CLMN: variants seen among roughly 807,000 people sequenced by gnomAD.
The protein encoded by CLMN is calmin.
In CLMN, 57 loss-of-function variants were observed where a neutral mutation model predicts 92.7. The ratio of observed to expected loss-of-function variants is 0.61; its 90% CI spans 0.50 to 0.77. The LOEUF is 0.77. Among genes scored for constraint, CLMN ranks in the 30% least tolerant of loss-of-function variants. The probability of loss-of-function intolerance (pLI) is 0.00; values close to 1 mark genes in which losing one functional copy is unlikely to be tolerated. For missense variants in CLMN, 1,158 were observed against 1,237.5 expected (o/e 0.94, Z 0.96); for synonymous variants, 466 against 470.6 (o/e 0.99, Z 0.13).
intron 1 of CLMN, among the ~76,000 whole-genome samples, chr14:95,301,143 C>T (rs1040670101): frequency 6.6e-6 from 1 of 152,222 alleles, no homozygotes; most frequent in Non-Finnish European, 1.5e-5. Context: ...ATTCACAGAA[C>T]AGCTATTACA....
intron 1 of CLMN, among the ~76,000 whole-genome samples, chr14:95,274,277 T>C (rs981849790): frequency 1.3e-5 from 2 of 151,980 alleles, no homozygotes; most frequent in African/African-American, 2.4e-5. Context: ...TGCTTGGAAA[T>C]GCCTGTCTTT....
chr14:95,226,603 A>G (rs553960265), intron 2 of CLMN, among the ~76,000 whole-genome samples: 2 of 151,676 alleles, frequency 1.3e-5, no homozygotes, highest in South Asian at 2.1e-4. Context: ...TTGAGATGAG[A>G]TCTTGCTCTG....
At chr14:95,238,206 G>C (rs924569909) in intron 1 of CLMN, among the ~76,000 whole-genome samples, 1 of 152,250 alleles carries the variant, frequency 6.6e-6, no homozygotes, top group East Asian at 1.9e-4. Context: ...TGGTGGTTTC[G>C]CTCCTTTCCC....
rs369758817 is a variant in CLMN at position 95,186,021 on chromosome 14, G to A, written c.*5543C>T. ...CTCCATGGTGTTCTGAGTCCCTAGC[G>A]ATGGTGGGTAGGGAGGTTAGCTTCA... On this transcript the variant is annotated 3_prime_UTR_variant, in exon 13 of 13. Coordinates refer to ENST00000298912, the MANE Select transcript of CLMN (RefSeq NM_024734.4). The A allele has an allele frequency of 1.3e-5, 2 of 152,328 alleles. No individual in the cohort carries two copies. Among genetic ancestry groups the A allele is most frequent in the South Asian group, 4.2e-4 (2 of 4,814 alleles). 9.4% of individuals were successfully genotyped at this position (152,328 alleles called of 1,614,324 possible).
chr14:95,230,680 G>T (rs966267707), intron 1 of CLMN, among the ~76,000 whole-genome samples: 5 of 152,184 alleles, frequency 3.3e-5, no homozygotes, highest in Non-Finnish European at 5.9e-5. Context: ...ACCCCCACCC[G>T]CATGTCTGAT....
Position 95,183,948 on chromosome 14 carries a change from C to G in CLMN, c.*7616G>C, listed in dbSNP as rs1896382554. ...AAACAATGGCTTAAACTTCCTCTTG[C>G]AAAAAGGCCTGAGTTAGATTTGAGA... On this transcript the variant is annotated 3_prime_UTR_variant, in exon 13 of 13. Coordinates refer to ENST00000298912, the MANE Select transcript of CLMN (RefSeq NM_024734.4). 1 of 152,002 alleles carries G rather than the reference C, an allele frequency of 6.6e-6. No homozygotes were observed. The highest frequency in any genetic ancestry group is 1.5e-5 in the Non-Finnish European group (1 of 67,990). 9.4% of individuals were successfully genotyped at this position (152,002 alleles called of 1,614,324 possible).
chr14:95,211,525 T>C (rs1165903170), intron 6 of CLMN, among the ~76,000 whole-genome samples: 7 of 152,108 alleles, frequency 4.6e-5, no homozygotes, highest in African/African-American at 1.7e-4. Flanking sequence ...GAATGGAGGC[T>C]ACCTCAACTT....
intron 1 of CLMN, among the ~76,000 whole-genome samples, chr14:95,305,202 C>G (rs1901225822): frequency 6.6e-6 from 1 of 152,240 alleles, no homozygotes; most frequent in Non-Finnish European, 1.5e-5. Flanking sequence ...CAGTATTATT[C>G]TTCCCATTGT....
chr14:95,257,538 C>T (rs535697599), intron 1 of CLMN, among the ~76,000 whole-genome samples: 25 of 152,334 alleles, frequency 1.6e-4, no homozygotes, highest in African/African-American at 5.1e-4. Flanking sequence ...CTGGGTGGGA[C>T]GGCACGCAAG....
At chr14:95,212,890 A>G (rs959987857) in intron 6 of CLMN, among the ~76,000 whole-genome samples, 1 of 148,950 alleles carries the variant, frequency 6.7e-6, no homozygotes, top group African/African-American at 2.5e-5. Flanking sequence ...GGTTCACGCC[A>G]TTCTCCTGCC....
intron 1 of CLMN, among the ~76,000 whole-genome samples, chr14:95,275,140 G>A (rs117222404): frequency 0.016 from 2,510 of 152,216 alleles, 28 homozygotes; most frequent in Non-Finnish European, 0.024. Context: ...TTGCGGTCTC[G>A]TATGAAGACA....
In CLMN at chr14:95,268,792, CTCTTTTTTTT is replaced by C. The variant is rs1271322975; in HGVS notation, c.83-38669_83-38660del. 4.1e-3 allele frequency among the ~76,000 whole-genome samples: 430 copies of C among 103,740 alleles called. 1 individual carries two copies. Among genetic ancestry groups the C allele is most frequent in the African/African-American group, 0.016 (409 of 26,076 alleles). The allele number at this position is 103,740 out of a possible 152,430, so 68.1% of individuals were successfully genotyped here. On this transcript the variant is annotated intron_variant, in intron 1 of 12. Coordinates refer to ENST00000298912, the MANE Select transcript of CLMN (RefSeq NM_024734.4). The stretch of plus-strand genomic sequence containing the variant: ...TATACTGGGACCTCTCTCTCTCTCT[CTCTTTTTTTT>C]TTTTTTTTTTTTTTTTTTTTAGACA...
chr14:95,274,567 G>A (rs1188857310), intron 1 of CLMN, among the ~76,000 whole-genome samples: 8 of 152,266 alleles, frequency 5.3e-5, no homozygotes, highest in Admixed American at 2.6e-4. Context: ...GAAGGGAAGC[G>A]TCCCCAAAGC....
intron 4 of CLMN, among the ~76,000 whole-genome samples, chr14:95,220,169 CTT>C (rs767326601): frequency 2.8e-4 from 20 of 71,802 alleles, no homozygotes; most frequent in African/African-American, 8.9e-4. Context: ...GGATAGGTCC[CTT>C]TTTTTTTTTT....
At chr14:95,245,238 T>TTATATATATATATATAA (rs1898479033) in intron 1 of CLMN, among the ~76,000 whole-genome samples, 1 of 28,192 alleles carries the variant, frequency 3.5e-5, no homozygotes, top group Non-Finnish European at 5.3e-5. Context: ...TATATATATA[T>TTATATATATATATATAA]TATATATATA....
At position 95,280,389 on chromosome 14, in the gene CLMN, T is replaced by C. The variant is rs561377854; in HGVS notation, c.82+39322A>G. On this transcript the variant is annotated intron_variant, in intron 1 of 12. Coordinates refer to ENST00000298912, the MANE Select transcript of CLMN (RefSeq NM_024734.4). ...AAGATTTTCATGTAACATTAAAAGA[T>C]AATAAAAGATTTTTATTTGCCTTTT... 2.0e-5 allele frequency among the ~76,000 whole-genome samples: 3 copies of C among 152,320 alleles called. No individual in the cohort carries two copies. In the South Asian group the frequency reaches 6.2e-4, roughly 32 times the overall value.
At chr14:95,246,609 G>C (rs1489328255) in intron 1 of CLMN, among the ~76,000 whole-genome samples, 6 of 152,112 alleles carry the variant, frequency 3.9e-5, no homozygotes, top group Admixed American at 6.5e-5. Context: ...GCTGGGAGTA[G>C]AGGCGCCCAC....
chr14:95,271,390 C>T (rs1899704131), intron 1 of CLMN, among the ~76,000 whole-genome samples: 1 of 152,188 alleles, frequency 6.6e-6, no homozygotes, highest in Admixed American at 6.5e-5. Flanking sequence ...GTTCTCCCGA[C>T]CTGTCTAGAG....
intron 8 of CLMN, among the ~76,000 whole-genome samples, chr14:95,206,547 G>A (rs988596685): frequency 6.6e-6 from 1 of 152,208 alleles, no homozygotes; most frequent in Admixed American, 6.5e-5. Flanking sequence ...TACATGGTCA[G>A]GGCCCAACAA....
Sources: allele counts gnomAD v4.1 joint callset (sites outside exome capture counted in the v4.1 genomes callset), GRCh38; gene constraint gnomAD v4.1.1; transcripts MANE v1.5; gene names NCBI Gene and HGNC (gene_info 2026-07-23, HGNC 2026-07-21).